The following DCC variants were observed in gnomAD, a reference collection of about 807,000 sequenced individuals.
The protein encoded by DCC is netrin receptor DCC.
A neutral mutation model predicts 172.5 loss-of-function variants in DCC; 58 were observed. The ratio of observed to expected loss-of-function variants is 0.34; its 90% CI spans 0.27 to 0.42. The LOEUF (loss-of-function observed/expected upper bound fraction) is 0.42, where lower values mean the gene tolerates loss of function less well. DCC is among the 10% of genes least tolerant of loss of function. DCC has a pLI of 1.00. For synonymous variants in DCC, 709 were observed against 644.5 expected (o/e 1.10, Z -1.52); for missense variants, 1,740 against 1,791.0 (o/e 0.97, Z 0.51).
At chr18:53,310,937 TTG>T in intron 13 of DCC, among the ~76,000 whole-genome samples, 1 of 151,230 alleles carries the variant, frequency 6.6e-6, no homozygotes, top group Non-Finnish European at 1.5e-5. Context: ...ATGAAAAGCA[TTG>T]CTAGTTACAC....
chr18:52,766,856 C>T (rs116436898), intron 2 of DCC, among the ~76,000 whole-genome samples: 1,738 of 151,896 alleles, frequency 0.011, 31 homozygotes, highest in African/African-American at 0.04. Flanking sequence ...TGTCAGGGAC[C>T]GACCCTTTTC....
intron 7 of DCC, among the ~76,000 whole-genome samples, chr18:53,117,873 G>A (rs942133877): frequency 2.0e-5 from 3 of 151,634 alleles, no homozygotes; most frequent in Admixed American, 6.6e-5. Flanking sequence ...TTCTTGTCAC[G>A]TCATGAACTG....
At chr18:53,028,499 A>G (rs1568254808) in intron 5 of DCC, among the ~76,000 whole-genome samples, 1 of 152,174 alleles carries the variant, frequency 6.6e-6, no homozygotes, top group Non-Finnish European at 1.5e-5. Flanking sequence ...TTTACCAGAA[A>G]TTATATAGTT....
At chr18:52,946,895 ATACT>A (rs1430236041) in intron 5 of DCC, among the ~76,000 whole-genome samples, 1 of 152,342 alleles carries the variant, frequency 6.6e-6, no homozygotes, top group East Asian at 1.9e-4. Context: ...ACATATTTTA[ATACT>A]TAATTTTTGA....
chr18:53,201,093 A>G (rs2055529510), intron 9 of DCC, among the ~76,000 whole-genome samples: 1 of 152,132 alleles, frequency 6.6e-6, no homozygotes, highest in Non-Finnish European at 1.5e-5. Flanking sequence ...AGAGATGAGC[A>G]GAAACTTCCC....
intron 2 of DCC, among the ~76,000 whole-genome samples, chr18:52,884,336 C>A (rs956036832): frequency 1.3e-5 from 2 of 151,588 alleles, no homozygotes; most frequent in African/African-American, 2.4e-5. Flanking sequence ...GAAATATTTG[C>A]CTTTTAAGTC....
chr18:53,132,349 A>G (rs1037252453), intron 7 of DCC, among the ~76,000 whole-genome samples: 1 of 152,086 alleles, frequency 6.6e-6, no homozygotes, highest in Non-Finnish European at 1.5e-5. Context: ...GTTGAGCATG[A>G]TGAGTCGACC....
chr18:53,123,800 C>T (rs902834282), intron 7 of DCC, among the ~76,000 whole-genome samples: 11 of 152,034 alleles, frequency 7.2e-5, no homozygotes, highest in Non-Finnish European at 1.5e-4. Flanking sequence ...GGCACTTCAA[C>T]GTGTCACGGT....
At chr18:53,487,384 T>A (rs569346850) in intron 26 of DCC, among the ~76,000 whole-genome samples, 2 of 152,272 alleles carry the variant, frequency 1.3e-5, no homozygotes, top group East Asian at 3.9e-4. Context: ...ATCAGGTAAG[T>A]GATACTTTTT....
At chr18:52,347,512 G>T (rs1012904928) in intron 1 of DCC, among the ~76,000 whole-genome samples, 3 of 152,066 alleles carry the variant, frequency 2.0e-5, no homozygotes, top group Non-Finnish European at 4.4e-5. Context: ...CTATTGTTGA[G>T]TTTTATCTCT....
At chr18:52,907,231 TGATA>T (rs944580255) in intron 3 of DCC, among the ~76,000 whole-genome samples, 3 of 54,238 alleles carry the variant, frequency 5.5e-5, no homozygotes, top group African/African-American at 5.8e-5. Flanking sequence ...CATATATACT[TGATA>T]GATATCATAT....
chr18:52,417,128 A>C (rs1256713363), intron 1 of DCC, among the ~76,000 whole-genome samples: 2 of 152,220 alleles, frequency 1.3e-5, no homozygotes, highest in South Asian at 4.1e-4. Flanking sequence ...TCCTTCACTT[A>C]TGAAGCTTAG....
chr18:52,921,957 G>A (rs1329519348), intron 3 of DCC, among the ~76,000 whole-genome samples: 1 of 151,856 alleles, frequency 6.6e-6, no homozygotes, highest in Non-Finnish European at 1.5e-5. Flanking sequence ...TAATATCAAG[G>A]CAACTATTTG....
rs111623749 is a variant in DCC, at chr18:53,294,892, T to G, written c.1912-10686T>G. ...GAACCAGGGGCCAGCAGGGCAAAGA[T>G]AAAGATTAGATTGTTTTACAACTAT... On this transcript the variant is annotated intron_variant, in intron 12 of 28. Transcript: ENST00000442544. 5.6e-3 allele frequency among the ~76,000 whole-genome samples: 848 copies of G among 152,248 alleles called. 6 individuals carry two copies. Among genetic ancestry groups the G allele is most frequent in the Admixed American group, 0.023 (349 of 15,278 alleles).
chr18:53,229,363 A>G (rs1404891260), intron 12 of DCC, among the ~76,000 whole-genome samples: 1 of 152,158 alleles, frequency 6.6e-6, no homozygotes, highest in Admixed American at 6.6e-5. Flanking sequence ...CCCTATGTTA[A>G]ACACAGCAAT....
chr18:53,233,724 A>C (rs1238519312), intron 12 of DCC, among the ~76,000 whole-genome samples: 1 of 152,206 alleles, frequency 6.6e-6, no homozygotes, highest in Non-Finnish European at 1.5e-5. Context: ...CATGATTGTT[A>C]TAAACACCTT....
chr18:53,527,845 C>T (rs977162257), intron 28 of DCC, among the ~76,000 whole-genome samples: 3 of 151,918 alleles, frequency 2.0e-5, no homozygotes, highest in Non-Finnish European at 2.9e-5. Context: ...ATTAACATAT[C>T]AGATATCTTG....
intron 1 of DCC, among the ~76,000 whole-genome samples, chr18:52,547,907 A>G (rs2144716952): frequency 6.6e-6 from 1 of 152,262 alleles, no homozygotes; most frequent in African/African-American, 2.4e-5. Context: ...CCAAAAGCCC[A>G]AAAGCAACCA....
intron 2 of DCC, among the ~76,000 whole-genome samples, chr18:52,776,428 G>A (rs1306391728): frequency 6.6e-6 from 1 of 152,156 alleles, no homozygotes; most frequent in Non-Finnish European, 1.5e-5. Context: ...AATACAGGAA[G>A]TCTATAAGAT....
Sources: gnomAD v4.1 joint callset for allele counts (sites outside exome capture counted in the v4.1 genomes callset) on GRCh38, gnomAD v4.1.1 for gene constraint, MANE v1.5 for transcripts, NCBI Gene and HGNC (gene_info 2026-07-23, HGNC 2026-07-21) for gene names.